Variants in LIN9 observed in about 807,000 individuals in gnomAD.
LIN9 encodes lin-9 DREAM MuvB core complex component, also known as protein lin-9 homolog.
In LIN9, 18 loss-of-function variants were observed where a neutral mutation model predicts 78.0. That is an observed-to-expected ratio of 0.23 (90% CI 0.16 to 0.34). The LOEUF (loss-of-function observed/expected upper bound fraction) is 0.34. Among genes scored for constraint, LIN9 ranks in the 10% least tolerant of loss-of-function variants. The pLI, the probability that LIN9 is intolerant of heterozygous loss-of-function variation, is 1.00. For missense variants in LIN9, 451 were observed against 644.1 expected (o/e 0.70, Z 3.25); for synonymous variants, 192 against 215.2 (o/e 0.89, Z 0.94).
chr1:226,240,525 A>C (rs987815655), intron 11 of LIN9, among the ~76,000 whole-genome samples: 2 of 151,862 alleles, frequency 1.3e-5, no homozygotes. Context: ...AGTAGGTGGG[A>C]CTACAGGTGC....
intron 10 of LIN9, among the ~76,000 whole-genome samples, chr1:226,261,084 C>T (rs1391634326): frequency 6.6e-6 from 1 of 151,738 alleles, no homozygotes; most frequent in Admixed American, 6.6e-5. Flanking sequence ...ATTCAACACT[C>T]ATTCATGATA....
At chr1:226,279,085 C>T (rs564871752) in intron 6 of LIN9, among the ~76,000 whole-genome samples, 3 of 151,996 alleles carry the variant, frequency 2.0e-5, no homozygotes, top group South Asian at 2.1e-4. Context: ...GGCGTGAACC[C>T]GGGAGGCTGA....
At chr1:226,239,134 G>A (rs1407910344) in intron 11 of LIN9, 38 bp from the exon 12 acceptor site, 1 of 1,600,400 alleles carries the variant, frequency 6.2e-7, no homozygotes, top group African/African-American at 1.4e-5. Context: ...GTAAGAGTTT[G>A]TTTTTTAGCA....
intron 8 of LIN9, among the ~76,000 whole-genome samples, chr1:226,267,262 A>G (rs1659981066): frequency 7.0e-6 from 1 of 143,864 alleles, no homozygotes; most frequent in Non-Finnish European, 1.5e-5. Context: ...TATTTCTTTT[A>G]GGAAATATAT....
intron 6 of LIN9, among the ~76,000 whole-genome samples, chr1:226,283,632 T>C (rs1350822671): frequency 6.6e-6 from 1 of 152,114 alleles, no homozygotes; most frequent in Non-Finnish European, 1.5e-5. Flanking sequence ...AATGTTTTCT[T>C]TTATGGCTCC....
intron 4 of LIN9, among the ~76,000 whole-genome samples, chr1:226,289,844 GGT>G (rs1237407322): frequency 3.3e-5 from 2 of 60,724 alleles, no homozygotes; most frequent in East Asian, 1.8e-3. Flanking sequence ...CGGGGGGGGG[GGT>G]GGGGGGGGGT....
intron 10 of LIN9, among the ~76,000 whole-genome samples, chr1:226,258,619 G>A (rs1312589260): frequency 6.7e-6 from 1 of 149,758 alleles, no homozygotes; most frequent in Admixed American, 6.7e-5. Flanking sequence ...GGCTGGGTGT[G>A]GTGGCTCACA....
chr1:226,297,751 T>C lies in LIN9; in HGVS notation c.127A>G (p.Lys43Glu). The change falls in exon 3 of 15, where the codon AAA becomes GAA. Residue 43 changes from lysine to glutamate, a missense_variant. Transcript: ENST00000681046. Reference sequence around the variant, plus strand: ...ACAGCAGAGCTTGTATTCCTGCCTTTCCAAACAGGTGTTTTCTGTAAAGAA... The same window carrying C: ...ACAGCAGAGCTTGTATTCCTGCCTTCCCAAACAGGTGTTTTCTGTAAAGAA... Reference protein sequence around the residue: ...YSSLQKTPVWKGRNTSSAVEM... With the variant: ...YSSLQKTPVWEGRNTSSAVEM... 1 of 1,590,876 alleles carries C rather than the reference T, an allele frequency of 6.3e-7. No individual in the cohort carries two copies.
intron 7 of LIN9, 67 bp downstream of exon 7, chr1:226,277,708 G>A (rs1200988315): frequency 7.1e-7 from 1 of 1,401,886 alleles, no homozygotes; most frequent in African/African-American, 1.5e-5. Context: ...AAGAACCAAA[G>A]AAACAAAAAA....
At chr1:226,240,636 G>C (rs1239819787) in intron 11 of LIN9, among the ~76,000 whole-genome samples, 3 of 152,058 alleles carry the variant, frequency 2.0e-5, no homozygotes, top group East Asian at 3.9e-4. Context: ...TGATCTGCCT[G>C]CCTTGGCCTC....
intron 11 of LIN9, among the ~76,000 whole-genome samples, chr1:226,247,889 G>C (rs1302898401): frequency 6.6e-6 from 1 of 152,080 alleles, no homozygotes; most frequent in Non-Finnish European, 1.5e-5. Flanking sequence ...GGCCAGGCTT[G>C]TCTTGAACTC....
At chr1:226,247,557 T>C (rs139656523) in intron 11 of LIN9, among the ~76,000 whole-genome samples, 1 of 152,330 alleles carries the variant, frequency 6.6e-6, no homozygotes, top group Non-Finnish European at 1.5e-5. Context: ...CTAGCTTTTC[T>C]GGAACTTGCA....
chr1:226,273,256 ATTTTTT>A lies in LIN9; in HGVS notation c.682+4513_682+4518del, dbSNP rs34679926. 3.4e-5 allele frequency among the ~76,000 whole-genome samples: 3 copies of A among 87,270 alleles called. No individual in the cohort carries two copies. The Admixed American group carries it at 4.2e-4, about 12-fold the overall frequency. The allele number at this position is 87,270 out of a possible 152,430, so 57.3% of individuals were successfully genotyped here. A position where few individuals can be genotyped will look rare whatever the true frequency, so the allele number is the denominator to read the frequency against. ...GCCATCTTTTTTTTTTAATTAGGTA[ATTTTTT>A]TTTTTTTTTTTTTTTTGAGACAAGG... On this transcript the variant is annotated intron_variant, in intron 7 of 14. Coordinates refer to ENST00000681046, the MANE Select transcript of LIN9 (RefSeq NM_001366245.2).
At chr1:226,256,847 G>A (rs774916288) in intron 10 of LIN9, among the ~76,000 whole-genome samples, 12 of 150,004 alleles carry the variant, frequency 8.0e-5, no homozygotes, top group Non-Finnish European at 1.2e-4. Flanking sequence ...ATGAGCCACC[G>A]CACCCGGCCA....
rs61836909 is a variant in LIN9, at chr1:226,284,396, C to T, written c.524+1937G>A. Among the ~76,000 whole-genome samples, 323 of 152,180 alleles carry T rather than the reference C, an allele frequency of 2.1e-3. 1 individual carries two copies. Among genetic ancestry groups the T allele is most frequent in the Non-Finnish European group, 3.5e-3 (241 of 67,994 alleles). Reference sequence around the variant, plus strand: ...AGAATTTTCCTGCTTGATTTCTCCCCTCTTATATGTGAATTTTAGAATTAA... The same window carrying T: ...AGAATTTTCCTGCTTGATTTCTCCCTTCTTATATGTGAATTTTAGAATTAA... On this transcript the variant is annotated intron_variant, in intron 6 of 14. Transcript: ENST00000681046.
At chr1:226,309,046 CG>C in intron 1 of LIN9, 62 bp downstream of exon 1, 1 of 1,296,832 alleles carries the variant, frequency 7.7e-7, no homozygotes, top group Non-Finnish European at 9.9e-7. Context: ...CCGTCCCGGC[CG>C]GTGCAACCGC....
chr1:226,285,090 T>A (rs1661310806), intron 6 of LIN9, among the ~76,000 whole-genome samples: 1 of 152,182 alleles, frequency 6.6e-6, no homozygotes, highest in South Asian at 2.1e-4. Flanking sequence ...TAAGATTAAA[T>A]AATGTTATGG....
chr1:226,309,086 G>C (rs1419577138), intron 1 of LIN9, 23 bp downstream of exon 1: 13 of 1,310,970 alleles, frequency 9.9e-6, no homozygotes, highest in South Asian at 3.1e-5. Flanking sequence ...GAAAAGGGGG[G>C]GGTGCTTTGA....
At chr1:226,257,913 G>C (rs1002543833) in intron 10 of LIN9, among the ~76,000 whole-genome samples, 1 of 152,180 alleles carries the variant, frequency 6.6e-6, no homozygotes, top group Non-Finnish European at 1.5e-5. Flanking sequence ...GCCAGGTGTG[G>C]TGGCTCATGC....
Sources: gnomAD v4.1 joint callset for allele counts (sites outside exome capture counted in the v4.1 genomes callset) on GRCh38, gnomAD v4.1.1 for gene constraint, MANE v1.5 for transcripts, NCBI Gene and HGNC (gene_info 2026-07-23, HGNC 2026-07-21) for gene names.